EVL: variants seen among roughly 807,000 people sequenced by gnomAD.
EVL encodes Enah/Vasp-like.
EVL carries 21 observed loss-of-function variants against 59.6 expected under a neutral mutation model. The ratio of observed to expected loss-of-function variants is 0.35; its 90% CI spans 0.25 to 0.51. The LOEUF is 0.51. Among genes scored for constraint, EVL ranks in the 20% least tolerant of loss-of-function variants. The pLI, the probability that EVL is intolerant of heterozygous loss-of-function variation, is 0.97. For missense variants in EVL, 462 were observed against 546.6 expected (o/e 0.85, Z 1.54); for synonymous variants, 198 against 203.5 (o/e 0.97, Z 0.23).
At chr14:99,992,488 T>C (rs1007090542) in intron 1 of EVL, among the ~76,000 whole-genome samples, 4 of 152,258 alleles carry the variant, frequency 2.6e-5, no homozygotes, top group African/African-American at 9.6e-5. Context: ...GTTGGTATTA[T>C]ATTCAGGACA....
intron 1 of EVL, among the ~76,000 whole-genome samples, chr14:100,012,265 G>A (rs2061021295): frequency 6.6e-6 from 1 of 152,168 alleles, no homozygotes; most frequent in Non-Finnish European, 1.5e-5. Flanking sequence ...TTTAGGTTAT[G>A]GGGTCTGTTT....
chr14:100,034,414 C>T (rs147583121), intron 1 of EVL, among the ~76,000 whole-genome samples: 43 of 152,050 alleles, frequency 2.8e-4, no homozygotes, highest in African/African-American at 8.4e-4. Flanking sequence ...TTCTAGAAAA[C>T]ACTGCTTGCC....
chr14:100,051,104 C>T (rs1469838292), intron 1 of EVL, among the ~76,000 whole-genome samples: 1 of 152,138 alleles, frequency 6.6e-6, no homozygotes, highest in Non-Finnish European at 1.5e-5. Flanking sequence ...TTTTGCTTTT[C>T]ACTGTTTCAG....
In EVL at chr14:100,143,683, C is replaced by T; in HGVS notation, c.1220-18C>T. 6.2e-7 allele frequency: 1 copy of T among 1,611,436 alleles called. No individual in the cohort carries two copies. Among genetic ancestry groups the T allele is most frequent in the Non-Finnish European group, 8.5e-7 (1 of 1,179,846 alleles). On this transcript the variant is annotated intron_variant, in intron 13 of 13. Transcript: ENST00000392920. ...ACTGGTCATGGCTGCACCTGAGCCGCCGCCACCTGTCCCGCAGCCATCAGG... is the reference window on the plus strand; with the variant it reads ...ACTGGTCATGGCTGCACCTGAGCCGTCGCCACCTGTCCCGCAGCCATCAGG...
At chr14:100,039,225 C>A (rs1338029631) in intron 1 of EVL, among the ~76,000 whole-genome samples, 2 of 152,072 alleles carry the variant, frequency 1.3e-5, no homozygotes, top group East Asian at 3.8e-4. Flanking sequence ...TAAAACAATC[C>A]TTGTTAGAGG....
At chr14:100,128,362 G>A (rs536943169) in intron 5 of EVL, among the ~76,000 whole-genome samples, 157 bp from the exon 6 acceptor site, 20 of 152,274 alleles carry the variant, frequency 1.3e-4, no homozygotes, top group African/African-American at 3.6e-4. Flanking sequence ...AGTTCATCCC[G>A]CGGAGGCTTC....
intron 1 of EVL, among the ~76,000 whole-genome samples, chr14:99,993,673 G>GTTTC (rs1233008979): frequency 2.9e-5 from 3 of 101,996 alleles, no homozygotes; most frequent in African/African-American, 4.2e-5. Flanking sequence ...TTTTCAGATT[G>GTTTC]TTTCTTTCTT....
intron 1 of EVL, among the ~76,000 whole-genome samples, chr14:100,053,179 C>T (rs1376726897): frequency 6.6e-6 from 1 of 152,200 alleles, no homozygotes; most frequent in Non-Finnish European, 1.5e-5. Flanking sequence ...TTGGGGGCCA[C>T]AGTCAGTCCA....
At chr14:100,018,956 C>T (rs1353061942) in intron 1 of EVL, among the ~76,000 whole-genome samples, 1 of 152,066 alleles carries the variant, frequency 6.6e-6, no homozygotes, top group Non-Finnish European at 1.5e-5. Context: ...GAACCGGGTA[C>T]CTACTATATA....
intron 1 of EVL, among the ~76,000 whole-genome samples, chr14:100,000,379 GCT>G (rs201629546): frequency 0.046 from 5,909 of 128,356 alleles, 189 homozygotes; most frequent in Admixed American, 0.086. Flanking sequence ...ACGGAGTCTC[GCT>G]CTGTCACCCA....
At chr14:100,056,219 T>A (rs534538407) in intron 1 of EVL, among the ~76,000 whole-genome samples, 7 of 151,538 alleles carry the variant, frequency 4.6e-5, no homozygotes, top group East Asian at 3.9e-4. Flanking sequence ...ATCTTTTTTT[T>A]AATTTTTTTT....
chr14:100,041,116 A>ATGGTTAT (rs2061461321), intron 1 of EVL, among the ~76,000 whole-genome samples: 1 of 152,218 alleles, frequency 6.6e-6, no homozygotes, highest in Admixed American at 6.5e-5. Context: ...TTGATACAAT[A>ATGGTTAT]TGGTTATTGT....
chr14:100,041,075 C>T (rs2061460531), intron 1 of EVL, among the ~76,000 whole-genome samples: 1 of 152,050 alleles, frequency 6.6e-6, no homozygotes, highest in Non-Finnish European at 1.5e-5. Context: ...ACATAATATG[C>T]AGAAATGTGT....
intron 1 of EVL, among the ~76,000 whole-genome samples, chr14:100,009,588 TG>T (rs1479234442): frequency 6.6e-6 from 1 of 152,242 alleles, no homozygotes; most frequent in African/African-American, 2.4e-5. Flanking sequence ...AAAATACAAA[TG>T]TGAAGAAGAC....
chr14:99,974,730 G>A (rs2060758123), intron 1 of EVL: 1 of 152,386 alleles, frequency 6.6e-6, no homozygotes, highest in Admixed American at 6.5e-5. Flanking sequence ...GCTTGACAAA[G>A]ATGATGACTC....
intron 1 of EVL, among the ~76,000 whole-genome samples, chr14:100,033,288 A>G (rs538012577): frequency 1.3e-4 from 20 of 152,356 alleles, no homozygotes; most frequent in Non-Finnish European, 1.2e-4. Flanking sequence ...ACACTTTCAA[A>G]TGTGCCTGCT....
At chr14:100,070,607 TG>T (rs2062029491) in intron 1 of EVL, among the ~76,000 whole-genome samples, 1 of 152,180 alleles carries the variant, frequency 6.6e-6, no homozygotes, top group African/African-American at 2.4e-5. Flanking sequence ...AGGACGCTTG[TG>T]TTATGCATTC....
chr14:100,122,637 T>C (rs1232495817), intron 3 of EVL, among the ~76,000 whole-genome samples: 1 of 152,108 alleles, frequency 6.6e-6, no homozygotes, highest in African/African-American at 2.4e-5. Flanking sequence ...CACTTCCCCA[T>C]CTTGTCAGGG....
intron 1 of EVL, chr14:100,019,380 C>T: frequency 2.5e-6 from 1 of 399,220 alleles, no homozygotes; most frequent in Non-Finnish European, 4.4e-6. Flanking sequence ...CTAGACTAAT[C>T]CAGTTCCCAG....
Sources: allele counts gnomAD v4.1 joint callset (sites outside exome capture counted in the v4.1 genomes callset), GRCh38; gene constraint gnomAD v4.1.1; transcripts MANE v1.5; gene names NCBI Gene and HGNC (gene_info 2026-07-23, HGNC 2026-07-21).